The following CPNE4 variants were observed in gnomAD, a reference collection of about 807,000 sequenced individuals.
CPNE4 encodes the protein copine 4, also known as copine-4.
Under a neutral mutation model 67.9 loss-of-function variants are expected in CPNE4, and 25 were observed. That is an observed-to-expected ratio of 0.37 (90% CI 0.27 to 0.51). The LOEUF is 0.51. Ranked by LOEUF, CPNE4 falls within the 20% of genes least tolerant of loss-of-function variation. The pLI is 0.93. For synonymous variants in CPNE4, 242 were observed against 244.9 expected, an observed-to-expected ratio of 0.99 and a Z score of 0.11; for missense variants, 464 against 690.8, an observed-to-expected ratio of 0.67 and a Z score of 3.68.
At position 131,699,959 on chromosome 3, in the gene CPNE4, ACAG is replaced by A; in HGVS notation, c.379_381del (p.Leu127del). 1 of 1,610,942 alleles carries A rather than the reference ACAG, an allele frequency of 6.2e-7. No individual in the cohort carries two copies. ...TTCCCATGCTTCAGCAAGGATTTGG[ACAG>A]CTTTCTCTGGGAAACAATCTGCAAA... On this transcript the variant is annotated inframe_deletion, in exon 4 of 16. Transcript: ENST00000429747.
intron 1 of CPNE4, among the ~76,000 whole-genome samples, chr3:131,981,311 G>T (rs2072903448): frequency 6.6e-6 from 1 of 151,792 alleles, no homozygotes; most frequent in Non-Finnish European, 1.5e-5. Flanking sequence ...GGACCATCAG[G>T]TGGGGGTGGG....
intron 1 of CPNE4, among the ~76,000 whole-genome samples, chr3:131,906,368 G>A (rs923873166): frequency 6.7e-6 from 1 of 149,640 alleles, no homozygotes; most frequent in African/African-American, 2.5e-5. Flanking sequence ...TCATCATTTA[G>A]CATTAGGTAT....
intron 1 of CPNE4, among the ~76,000 whole-genome samples, chr3:132,006,765 T>C (rs1408596560): frequency 1.3e-5 from 2 of 152,010 alleles, no homozygotes; most frequent in African/African-American, 2.4e-5. Flanking sequence ...ATTTCCAAGG[T>C]CACAATGGGG....
chr3:131,652,710 C>A (rs112133301), intron 7 of CPNE4, among the ~76,000 whole-genome samples: 2 of 152,134 alleles, frequency 1.3e-5, no homozygotes, highest in Non-Finnish European at 2.9e-5. Flanking sequence ...CATGTACACA[C>A]GCACACTTGC....
rs72999268 is a variant in CPNE4, at chr3:131,605,874, C to T, written c.682-18292G>A. ...ACCTACATGTGAATCACAGTAAGAA[C>T]AGGTTTGAGGGCCAAGGAATAGTTT... On this transcript the variant is annotated intron_variant, in intron 7 of 15. Transcript: ENST00000429747. Among the ~76,000 whole-genome samples, 691 of 152,262 alleles carry T rather than the reference C, an allele frequency of 4.5e-3. 5 individuals are homozygous for T. The highest frequency in any genetic ancestry group is 0.016 in the African/African-American group (661 of 41,538).
At chr3:131,620,751 G>T (rs1043779135) in intron 7 of CPNE4, among the ~76,000 whole-genome samples, 5 of 152,094 alleles carry the variant, frequency 3.3e-5, no homozygotes, top group African/African-American at 1.2e-4. Context: ...TTGCTAGAAG[G>T]GGGTCACAGG....
At chr3:131,689,673 T>C (rs1455371978) in intron 5 of CPNE4, among the ~76,000 whole-genome samples, 3 of 152,188 alleles carry the variant, frequency 2.0e-5, no homozygotes. Flanking sequence ...GCATGTCAAC[T>C]CTCACCATTC....
At chr3:131,725,066 G>A (rs2081971576) in intron 2 of CPNE4, among the ~76,000 whole-genome samples, 1 of 152,102 alleles carries the variant, frequency 6.6e-6, no homozygotes, top group Non-Finnish European at 1.5e-5. Context: ...ATGGTTTATT[G>A]GATGTTTTCT....
At chr3:131,941,547 AG>A (rs2071388256) in intron 1 of CPNE4, among the ~76,000 whole-genome samples, 1 of 152,052 alleles carries the variant, frequency 6.6e-6, no homozygotes, top group African/African-American at 2.4e-5. Context: ...GAGAAAACCA[AG>A]GCCCAAAGAA....
In CPNE4 at chr3:131,801,452, G is replaced by GTGTGTATATATA. The variant is rs761978890; in HGVS notation, c.181-77828_181-77827insTATATATACACA. 6.2e-4 allele frequency among the ~76,000 whole-genome samples: 33 copies of GTGTGTATATATA among 53,348 alleles called. 1 individual carries two copies. The highest frequency in any genetic ancestry group is 4.7e-3 in the East Asian group (9 of 1,906). 35.0% of individuals were successfully genotyped at this position (53,348 alleles called of 152,430 possible). ...TGTGTGTGTGTGTGTGTGTGTGTGT[G>GTGTGTATATATA]TATATATATATATATATATATATAT... is the stretch of plus-strand genomic sequence containing the variant. On this transcript the variant is annotated intron_variant, in intron 2 of 15. Transcript: ENST00000429747.
intron 2 of CPNE4, among the ~76,000 whole-genome samples, chr3:131,775,148 C>CT (rs35111798): frequency 6.6e-6 from 1 of 151,936 alleles, no homozygotes; most frequent in Non-Finnish European, 1.5e-5. Flanking sequence ...TTGTCTTTTC[C>CT]TTTTTTCACC....
At chr3:131,846,150 A>G (rs2085988459) in intron 2 of CPNE4, among the ~76,000 whole-genome samples, 1 of 152,186 alleles carries the variant, frequency 6.6e-6, no homozygotes, top group Non-Finnish European at 1.5e-5. Context: ...AAAATTTCCT[A>G]TATGTAAAAA....
At chr3:131,689,932 C>T (rs991671003) in intron 5 of CPNE4, among the ~76,000 whole-genome samples, 4 of 151,932 alleles carry the variant, frequency 2.6e-5, no homozygotes, top group African/African-American at 9.7e-5. Flanking sequence ...CAAGAACGAC[C>T]CCATTTACAA....
intron 2 of CPNE4, among the ~76,000 whole-genome samples, chr3:131,870,355 C>T (rs139493332): frequency 1.3e-3 from 196 of 152,218 alleles, no homozygotes; most frequent in African/African-American, 4.3e-3. Flanking sequence ...AAGGAGCAAC[C>T]GGTCTTGTCG....
chr3:131,628,565 C>T (rs963581633), intron 7 of CPNE4, among the ~76,000 whole-genome samples: 1 of 152,266 alleles, frequency 6.6e-6, no homozygotes. Context: ...ATTATTGCCT[C>T]AATTTCAGAG....
Position 131,685,973 on chromosome 3 carries a change from C to G in CPNE4, c.508-15G>C. 1.4e-6 allele frequency: 2 copies of G among 1,436,726 alleles called. No individual in the cohort carries two copies. The highest frequency in any genetic ancestry group is 2.0e-6 in the Non-Finnish European group (2 of 1,020,530). 89.0% of individuals were successfully genotyped at this position (1,436,726 alleles called of 1,614,324 possible). ...CTGAAGAAATCCTAAAATAGATAAACGTCAATGAATTGTTTTTCCTCCTGC... is the reference window on the plus strand; with the variant it reads ...CTGAAGAAATCCTAAAATAGATAAAGGTCAATGAATTGTTTTTCCTCCTGC... On this transcript the variant is annotated splice_polypyrimidine_tract_variant and intron_variant, in intron 5 of 15. Coordinates refer to ENST00000429747, the MANE Select transcript of CPNE4 (RefSeq NM_130808.3).
chr3:131,546,056 CA>C (rs1935818726), intron 14 of CPNE4, among the ~76,000 whole-genome samples: 1 of 151,926 alleles, frequency 6.6e-6, no homozygotes, highest in Non-Finnish European at 1.5e-5. Context: ...CCATCTCAAA[CA>C]AAACAAAACA....
chr3:131,543,222 A>G (rs2107631428), intron 14 of CPNE4: 1 of 159,002 alleles, frequency 6.3e-6, no homozygotes, highest in South Asian at 1.9e-4. Context: ...CATCCAATAC[A>G]ATGATGACTA....
intron 10 of CPNE4, among the ~76,000 whole-genome samples, chr3:131,567,872 T>C (rs1937136370): frequency 6.6e-6 from 1 of 151,962 alleles, no homozygotes; most frequent in South Asian, 2.1e-4. Flanking sequence ...GGCTGCCTGT[T>C]CTTGGTGCTA....
Sources: gnomAD v4.1 joint callset for allele counts (sites outside exome capture counted in the v4.1 genomes callset) on GRCh38, gnomAD v4.1.1 for gene constraint, MANE v1.5 for transcripts, NCBI Gene and HGNC (gene_info 2026-07-23, HGNC 2026-07-21) for gene names.